The following CNTN5 variants were observed in gnomAD, a reference collection of about 807,000 sequenced individuals.
The protein encoded by CNTN5 is contactin 5, also known as contactin-5.
A neutral mutation model predicts 129.1 loss-of-function variants in CNTN5; 77 were observed. That is an observed-to-expected ratio of 0.60 (90% CI 0.50 to 0.72). The LOEUF (loss-of-function observed/expected upper bound fraction) is 0.72. CNTN5 is among the 30% of genes least tolerant of loss of function. The pLI, the probability that CNTN5 is intolerant of heterozygous loss-of-function variation, is 0.00. For synonymous variants in CNTN5, 509 were observed against 465.6 expected (o/e 1.09, Z -1.20); for missense variants, 1,478 against 1,328.8 (o/e 1.11, Z -1.75).
chr11:99,763,798 G>T (rs1221232972), intron 3 of CNTN5, among the ~76,000 whole-genome samples: 2 of 151,988 alleles, frequency 1.3e-5, no homozygotes, highest in Non-Finnish European at 2.9e-5. Context: ...TATATGAATT[G>T]TGTGTGTAGA....
chr11:99,683,181 T>A (rs1419427962), intron 3 of CNTN5, among the ~76,000 whole-genome samples: 1 of 151,900 alleles, frequency 6.6e-6, no homozygotes, highest in Non-Finnish European at 1.5e-5. Context: ...ATTTTTTTAT[T>A]GTTAGTACTT....
chr11:99,823,065 GA>G (rs1437954810), intron 4 of CNTN5, among the ~76,000 whole-genome samples: 1 of 152,198 alleles, frequency 6.6e-6, no homozygotes, highest in Non-Finnish European at 1.5e-5. Flanking sequence ...GTAGTCACGT[GA>G]GTGAGTTTAC....
At chr11:99,073,544 C>G (rs1022233438) in intron 1 of CNTN5, among the ~76,000 whole-genome samples, 1 of 151,798 alleles carries the variant, frequency 6.6e-6, no homozygotes, top group Non-Finnish European at 1.5e-5. Context: ...GCTTTCCCTC[C>G]CCTTGTCCCC....
chr11:99,710,745 G>T (rs1954952816), intron 3 of CNTN5, among the ~76,000 whole-genome samples: 1 of 151,786 alleles, frequency 6.6e-6, no homozygotes, highest in South Asian at 2.1e-4. Context: ...CCAAATTGGT[G>T]AGATATTCTG....
intron 1 of CNTN5, among the ~76,000 whole-genome samples, chr11:99,021,501 CT>C (rs1423413239): frequency 6.6e-6 from 1 of 152,102 alleles, no homozygotes; most frequent in Non-Finnish European, 1.5e-5. Context: ...TAAATATAAC[CT>C]ATTTGTATAT....
chr11:100,137,438 C>T (rs1250707232), intron 13 of CNTN5, among the ~76,000 whole-genome samples: 2 of 152,040 alleles, frequency 1.3e-5, no homozygotes, highest in Non-Finnish European at 2.9e-5. Context: ...AATATAGGAA[C>T]TCTCATGGGG....
chr11:99,146,544 T>A (rs1230680208), intron 1 of CNTN5, among the ~76,000 whole-genome samples: 1 of 152,166 alleles, frequency 6.6e-6, no homozygotes, highest in African/African-American at 2.4e-5. Flanking sequence ...TAATATTTTA[T>A]AGCAATTCAG....
intron 6 of CNTN5, among the ~76,000 whole-genome samples, chr11:99,910,598 T>A (rs1949632991): frequency 6.6e-6 from 1 of 152,104 alleles, no homozygotes; most frequent in Admixed American, 6.6e-5. Flanking sequence ...AACTTTAGAA[T>A]CAATCACATT....
chr11:100,088,040 TAAAA>T (rs57676591), intron 13 of CNTN5, among the ~76,000 whole-genome samples: 1 of 148,324 alleles, frequency 6.7e-6, no homozygotes, highest in African/African-American at 2.5e-5. Context: ...AAGGCAGAAA[TAAAA>T]AAAAAAATTC....
chr11:99,858,063 T>A (rs1948093984), intron 6 of CNTN5, among the ~76,000 whole-genome samples: 1 of 152,126 alleles, frequency 6.6e-6, no homozygotes, highest in Admixed American at 6.6e-5. Context: ...AAGTTACCTC[T>A]TTCAGTCAGG....
intron 1 of CNTN5, among the ~76,000 whole-genome samples, chr11:99,065,443 C>G (rs1591131544): frequency 6.6e-6 from 1 of 152,118 alleles, no homozygotes; most frequent in South Asian, 2.1e-4. Context: ...AAACAAATAG[C>G]CTCCAAACAC....
At chr11:99,203,619 T>C (rs558559549) in intron 1 of CNTN5, among the ~76,000 whole-genome samples, 12 of 152,012 alleles carry the variant, frequency 7.9e-5, no homozygotes, top group Non-Finnish European at 1.6e-4. Context: ...GGACAGAGTA[T>C]CACTCTGTCT....
chr11:99,473,518 T>C lies in CNTN5; in HGVS notation c.-70-82627T>C, dbSNP rs532302744. Among the ~76,000 whole-genome samples, 4 of 152,210 alleles carry C rather than the reference T, an allele frequency of 2.6e-5. No individual in the cohort carries two copies. The East Asian group carries it at 7.7e-4, about 29-fold the overall frequency. On this transcript the variant is annotated intron_variant, in intron 2 of 24. Coordinates refer to ENST00000524871, the MANE Select transcript of CNTN5 (RefSeq NM_014361.4). ...TATAGTGTATGTTTAAATTCTCTTC[T>C]ATGGGAGTTAGATGTTGAAATCTTT... is the stretch of plus-strand genomic sequence containing the variant.
chr11:99,374,437 G>T (rs775769894), intron 2 of CNTN5, among the ~76,000 whole-genome samples: 1 of 152,036 alleles, frequency 6.6e-6, no homozygotes, highest in African/African-American at 2.4e-5. Context: ...AAAAATGTAA[G>T]ATTTGGGAGG....
chr11:99,564,524 G>T (rs558778848), intron 3 of CNTN5, among the ~76,000 whole-genome samples: 51 of 151,976 alleles, frequency 3.4e-4, no homozygotes, highest in Non-Finnish European at 5.9e-4. Context: ...AAACAAAAAA[G>T]AACTTTAAAA....
At chr11:99,143,020 C>T (rs953824313) in intron 1 of CNTN5, among the ~76,000 whole-genome samples, 3 of 152,118 alleles carry the variant, frequency 2.0e-5, no homozygotes, top group Admixed American at 6.5e-5. Context: ...CCACTCTCAA[C>T]GCCTTTCTTC....
intron 1 of CNTN5, among the ~76,000 whole-genome samples, chr11:99,166,245 A>G (rs1252977263): frequency 1.3e-5 from 2 of 152,018 alleles, no homozygotes; most frequent in Admixed American, 1.3e-4. Flanking sequence ...TACTAAATAT[A>G]CAAAAAATTA....
In CNTN5 at chr11:99,710,569, G is replaced by GCA. The variant is rs1369483729; in HGVS notation, c.56-108975_56-108974insCA. Among the ~76,000 whole-genome samples the GCA allele has an allele frequency of 1.1e-3, 52 of 47,932 alleles. 1 individual carries two copies. Among genetic ancestry groups the GCA allele is most frequent in the East Asian group, 3.1e-3 (4 of 1,278 alleles). 31.4% of individuals were successfully genotyped at this position (47,932 alleles called of 152,430 possible). A position where few individuals can be genotyped will look rare whatever the true frequency, so the allele number is the denominator to read the frequency against. The stretch of plus-strand genomic sequence containing the variant: ...AGATTGTGTGTGTGTGTGTGTGCAT[G>GCA]TGTGTGTGTGTGTGTGTGTGTGTGT... On this transcript the variant is annotated intron_variant, in intron 3 of 24. Coordinates refer to ENST00000524871, the MANE Select transcript of CNTN5 (RefSeq NM_014361.4).
At chr11:99,396,894 C>T (rs182606744) in intron 2 of CNTN5, among the ~76,000 whole-genome samples, 1 of 151,790 alleles carries the variant, frequency 6.6e-6, no homozygotes, top group Non-Finnish European at 1.5e-5. Flanking sequence ...ATACGACATT[C>T]AACACATTTG....
Sources: gnomAD v4.1 joint callset for allele counts (sites outside exome capture counted in the v4.1 genomes callset) on GRCh38, gnomAD v4.1.1 for gene constraint, MANE v1.5 for transcripts, NCBI Gene and HGNC (gene_info 2026-07-23, HGNC 2026-07-21) for gene names.